NFIC: variants seen among roughly 807,000 people sequenced by gnomAD.
The protein encoded by NFIC is nuclear factor I C, also known as nuclear factor 1 C-type.
A neutral mutation model predicts 54.4 loss-of-function variants in NFIC; 12 were observed. That is an observed-to-expected ratio of 0.22 (90% CI 0.14 to 0.36). The LOEUF is 0.36. Ranked by LOEUF, NFIC falls within the 10% of genes least tolerant of loss-of-function variation. The pLI is 1.00. For synonymous variants in NFIC, 322 were observed against 319.2 expected (o/e 1.01, Z -0.09); for missense variants, 575 against 718.2 (o/e 0.80, Z 2.28).
chr19:3,409,283 A>G (rs2081709850), intron 2 of NFIC, among the ~76,000 whole-genome samples: 1 of 151,672 alleles, frequency 6.6e-6, no homozygotes, highest in African/African-American at 2.4e-5. Flanking sequence ...GAACGCTTTC[A>G]CCCCAGCTCT....
At chr19:3,433,117 A>T (rs1202530175) in intron 3 of NFIC, among the ~76,000 whole-genome samples, 2 of 152,084 alleles carry the variant, frequency 1.3e-5, no homozygotes, top group East Asian at 3.9e-4. Context: ...GGCACGGACC[A>T]CAACACCTGG....
chr19:3,363,801 A>G (rs894136347), upstream of NFIC, among the ~76,000 whole-genome samples: 2 of 152,190 alleles, frequency 1.3e-5, no homozygotes, highest in Non-Finnish European at 1.5e-5. Flanking sequence ...TGCCCCTGGC[A>G]TGGAGTGGGT....
At chr19:3,372,710 G>T (rs559150665) in intron 1 of NFIC, among the ~76,000 whole-genome samples, 1 of 149,166 alleles carries the variant, frequency 6.7e-6, no homozygotes. Flanking sequence ...CCAGGAGTGG[G>T]GTGGGGGGGT....
intron 1 of NFIC, among the ~76,000 whole-genome samples, chr19:3,368,887 CTCTT>C (rs1482671660): frequency 6.7e-6 from 1 of 150,230 alleles, no homozygotes; most frequent in East Asian, 2.0e-4. Flanking sequence ...CTGTCTTTCT[CTCTT>C]TCTCTCTGTC....
chr19:3,384,142 C>A (rs1277609706), intron 2 of NFIC, among the ~76,000 whole-genome samples: 1 of 151,178 alleles, frequency 6.6e-6, no homozygotes, highest in Non-Finnish European at 1.5e-5. Context: ...GTAGCCTCGA[C>A]CTCCCAGGCT....
chr19:3,389,334 C>A (rs914718010), intron 2 of NFIC, among the ~76,000 whole-genome samples: 7 of 152,096 alleles, frequency 4.6e-5, no homozygotes, highest in African/African-American at 1.7e-4. Flanking sequence ...GTCCTGCCCT[C>A]TCTGGTCTGG....
chr19:3,444,175 CAAAT>C (rs2082335981), intron 6 of NFIC, among the ~76,000 whole-genome samples: 1 of 136,786 alleles, frequency 7.3e-6, no homozygotes, highest in African/African-American at 2.8e-5. Context: ...GGCCTTTTGT[CAAAT>C]AGAGGAGGTC....
At chr19:3,395,749 T>G (rs962647147) in intron 2 of NFIC, among the ~76,000 whole-genome samples, 1 of 151,950 alleles carries the variant, frequency 6.6e-6, no homozygotes. Context: ...GGCGCAATCT[T>G]GGCTCACTGC....
rs544414752 is a variant in NFIC at position 3,427,829 on chromosome 19, A to G, written c.634+2652A>G. On this transcript the variant is annotated intron_variant, in intron 3 of 10. Coordinates refer to ENST00000443272, the MANE Select transcript of NFIC (RefSeq NM_001245002.2). ...AGACTCTGTCAAAAAAAAAAAAAAA[A>G]AAGAAGAAGAAGAAAGAAGGAAAGA... Among the ~76,000 whole-genome samples, 646 of 146,436 alleles carry G rather than the reference A, an allele frequency of 4.4e-3. 6 individuals carry two copies. The highest frequency in any genetic ancestry group is 0.022 in the South Asian group (104 of 4,704).
At position 3,456,629 on chromosome 19, in the gene NFIC, G is replaced by A; in HGVS notation, c.1503G>A (p.Gln501=). ...CAAGGGATCCTGCGGGCATTTATCAGGCACAGGTAGGGGCCGAGAGGCCGG... is the reference window on the plus strand; with the variant it reads ...CAAGGGATCCTGCGGGCATTTATCAAGCACAGGTAGGGGCCGAGAGGCCGG... ...LGPRDPAGIY[Q]AQSWYLG is the part of the protein sequence containing the mutation. Residue 501 remains glutamine (Q), a synonymous_variant, in exon 10 of 11, where the codon CAG becomes CAA. Coordinates refer to ENST00000443272, the MANE Select transcript of NFIC (RefSeq NM_001245002.2). The A allele has an allele frequency of 3.9e-6, 6 of 1,552,030 alleles. No individual in the cohort carries two copies. Among genetic ancestry groups the A allele is most frequent in the Non-Finnish European group, 5.2e-6 (6 of 1,147,136 alleles).
At chr19:3,431,696 G>A (rs1238689420) in intron 3 of NFIC, among the ~76,000 whole-genome samples, 1 of 151,888 alleles carries the variant, frequency 6.6e-6, no homozygotes, top group Non-Finnish European at 1.5e-5. Flanking sequence ...TAGACACAGG[G>A]TTTCGCCATG....
intron 2 of NFIC, among the ~76,000 whole-genome samples, chr19:3,394,513 T>TCCCCC (rs1192475558): frequency 4.4e-4 from 4 of 9,020 alleles, no homozygotes; most frequent in African/African-American, 1.6e-3. Flanking sequence ...TTATGATCTT[T>TCCCCC]TCCCCACCCA....
chr19:3,434,666 G>A (rs1424704664), intron 5 of NFIC, among the ~76,000 whole-genome samples: 1 of 152,150 alleles, frequency 6.6e-6, no homozygotes, highest in African/African-American at 2.4e-5. Flanking sequence ...CCAGAAGAAT[G>A]CAGACACAGG....
intron 6 of NFIC, among the ~76,000 whole-genome samples, 182 bp downstream of exon 6, chr19:3,435,389 G>A (rs1479349256): frequency 6.6e-6 from 1 of 152,226 alleles, no homozygotes; most frequent in Non-Finnish European, 1.5e-5. Context: ...CCGGGTTCGC[G>A]TTCTCGGATC....
intron 2 of NFIC, among the ~76,000 whole-genome samples, chr19:3,424,497 C>T (rs2081998372): frequency 6.6e-6 from 1 of 152,190 alleles, no homozygotes; most frequent in South Asian, 2.1e-4. Flanking sequence ...CTGTCTCAGT[C>T]TCCCAAGTAG....
chr19:3,388,272 T>C (rs536864148), intron 2 of NFIC, among the ~76,000 whole-genome samples: 6 of 152,204 alleles, frequency 3.9e-5, no homozygotes, highest in East Asian at 3.9e-4. Context: ...CTGGATGGAA[T>C]TGGGGAGCAA....
intron 9 of NFIC, among the ~76,000 whole-genome samples, chr19:3,454,545 A>G (rs1471125023): frequency 6.6e-6 from 1 of 151,780 alleles, no homozygotes; most frequent in Non-Finnish European, 1.5e-5. Flanking sequence ...TGGCTGCTGG[A>G]TGGCCCCTCG....
At chr19:3,400,586 A>T (rs2081539527) in intron 2 of NFIC, among the ~76,000 whole-genome samples, 1 of 152,316 alleles carries the variant, frequency 6.6e-6, no homozygotes, top group South Asian at 2.1e-4. Context: ...CACGCCTGTC[A>T]TCCCAGCACT....
chr19:3,445,153 G>A (rs1014030094), intron 6 of NFIC, among the ~76,000 whole-genome samples: 17 of 149,512 alleles, frequency 1.1e-4, no homozygotes, highest in Non-Finnish European at 1.9e-4. Context: ...GTGCACATGC[G>A]TGCAGGCATA....
Sources: gnomAD v4.1 joint callset for allele counts (sites outside exome capture counted in the v4.1 genomes callset) on GRCh38, gnomAD v4.1.1 for gene constraint, MANE v1.5 for transcripts, NCBI Gene and HGNC (gene_info 2026-07-23, HGNC 2026-07-21) for gene names.